Variants in ANKRD30BL observed in about 807,000 individuals in gnomAD.
The protein encoded by ANKRD30BL is putative ankyrin repeat domain-containing protein 30B-like.
In ANKRD30BL, 20 loss-of-function variants were observed where a neutral mutation model predicts 18.4. The observed-to-expected ratio is 1.09, with a 90% CI of 0.77 to 1.58. ANKRD30BL has a LOEUF of 1.58. ANKRD30BL is among the 40% of genes most tolerant of loss of function. The pLI is 0.00. For missense variants in ANKRD30BL, 224 were observed against 268.6 expected (o/e 0.83, Z 1.16); for synonymous variants, 72 against 100.9 (o/e 0.71, Z 1.72).
At chr2:132,218,527 G>A (rs1210449830) in intron 1 of ANKRD30BL, among the ~76,000 whole-genome samples, 1 of 152,258 alleles carries the variant, frequency 6.6e-6, no homozygotes. Context: ...AACTCACAGA[G>A]TTGATAATTT....
intron 1 of ANKRD30BL, among the ~76,000 whole-genome samples, chr2:132,203,108 C>A (rs1482078848): frequency 6.6e-6 from 1 of 152,282 alleles, no homozygotes; most frequent in Non-Finnish European, 1.5e-5. Context: ...AAACCACCCA[C>A]CCCTGCTGAA....
At chr2:132,201,365 A>G (rs1431578137) in intron 1 of ANKRD30BL, among the ~76,000 whole-genome samples, 1 of 152,120 alleles carries the variant, frequency 6.6e-6, no homozygotes, top group Non-Finnish European at 1.5e-5. Flanking sequence ...GGCAACCTAC[A>G]AAATGGGAGA....
chr2:132,188,441 G>A (rs1320598477), intron 1 of ANKRD30BL, among the ~76,000 whole-genome samples: 2 of 152,342 alleles, frequency 1.3e-5, no homozygotes, highest in East Asian at 3.9e-4. Flanking sequence ...AGCGGGCAGG[G>A]CGCGGTGGCT....
At chr2:132,157,956 AT>A (rs1687956233) in intron 1 of ANKRD30BL, among the ~76,000 whole-genome samples, 1 of 152,330 alleles carries the variant, frequency 6.6e-6, no homozygotes, top group Admixed American at 6.5e-5. Context: ...TATTTTAATA[AT>A]TCTGAAATAC....
chr2:132,253,827 C>G (rs545105306), intron 1 of ANKRD30BL, among the ~76,000 whole-genome samples: 2 of 152,086 alleles, frequency 1.3e-5, no homozygotes, highest in Admixed American at 6.5e-5. Flanking sequence ...CGGCATCCGG[C>G]CCCCTACCCT....
intron 1 of ANKRD30BL, among the ~76,000 whole-genome samples, chr2:132,247,509 A>C (rs1449603099): frequency 1.3e-5 from 2 of 151,820 alleles, no homozygotes; most frequent in Non-Finnish European, 3.0e-5. Context: ...CTCAATGAAA[A>C]GAAAGGTTCA....
intron 1 of ANKRD30BL, among the ~76,000 whole-genome samples, chr2:132,225,569 T>C (rs1298608431): frequency 6.6e-6 from 1 of 152,034 alleles, no homozygotes; most frequent in Admixed American, 6.6e-5. Context: ...GTTGAAACTT[T>C]CTTTTGATAG....
At chr2:132,150,741 A>C (rs1573795602) in intron 5 of ANKRD30BL, among the ~76,000 whole-genome samples, 171 bp downstream of exon 5, 1 of 152,130 alleles carries the variant, frequency 6.6e-6, no homozygotes, top group East Asian at 1.9e-4. Context: ...ATGAATTCTG[A>C]ATTATAAACT....
At chr2:132,183,781 T>G (rs62161688) in intron 1 of ANKRD30BL, among the ~76,000 whole-genome samples, 3 of 152,060 alleles carry the variant, frequency 2.0e-5, no homozygotes, top group Non-Finnish European at 4.4e-5. Context: ...ATGCATATAT[T>G]TGTATATATA....
chr2:132,210,508 G>A (rs13397190), intron 1 of ANKRD30BL, among the ~76,000 whole-genome samples: 12,830 of 151,798 alleles, frequency 0.085, 800 homozygotes, highest in African/African-American at 0.17. Context: ...TATTTGGAGC[G>A]CCTTAAGGTC....
intron 1 of ANKRD30BL, among the ~76,000 whole-genome samples, chr2:132,231,862 C>G (rs1446219429): frequency 1.3e-5 from 2 of 152,244 alleles, no homozygotes; most frequent in African/African-American, 4.8e-5. Flanking sequence ...CTGCCTGCCT[C>G]TGTAGGCTCC....
chr2:132,185,929 T>A (rs2104951329), intron 1 of ANKRD30BL, among the ~76,000 whole-genome samples: 1 of 152,120 alleles, frequency 6.6e-6, no homozygotes, highest in Admixed American at 6.6e-5. Flanking sequence ...TCACTTGAGG[T>A]CAGAAGTTCA....
At chr2:132,210,284 T>C (rs1374155878) in intron 1 of ANKRD30BL, among the ~76,000 whole-genome samples, 1 of 151,896 alleles carries the variant, frequency 6.6e-6, no homozygotes, top group Non-Finnish European at 1.5e-5. Flanking sequence ...TTCTTTTGAT[T>C]GAGCAGTTTT....
intron 1 of ANKRD30BL, among the ~76,000 whole-genome samples, chr2:132,247,043 G>C (rs1417525126): frequency 6.6e-6 from 1 of 151,760 alleles, no homozygotes; most frequent in Non-Finnish European, 1.5e-5. Context: ...TCATCTCACA[G>C]AGTTGAACAT....
At chr2:132,198,886 G>A (rs1679035318) in intron 1 of ANKRD30BL, among the ~76,000 whole-genome samples, 1 of 152,106 alleles carries the variant, frequency 6.6e-6, no homozygotes, top group South Asian at 2.1e-4. Context: ...CCAAAGTACT[G>A]GAATTACAGG....
At chr2:132,200,730 TAC>T (rs1472880334) in intron 1 of ANKRD30BL, among the ~76,000 whole-genome samples, 17 of 152,234 alleles carry the variant, frequency 1.1e-4, no homozygotes, top group African/African-American at 4.1e-4. Flanking sequence ...CAAGGTAATT[TAC>T]ACATTCAATG....
chr2:132,161,650 C>G lies in ANKRD30BL; in HGVS notation c.56G>C (p.Ser19Thr). The part of the protein sequence containing the change: ...VKGQTGPERP[S>T]PFSQLVYTNN... Reference sequence around the variant, plus strand: ...GGTGTAGACCAGCTGACTGAAGGGGCTCGGGCGCTCTGGGCCCGTCTGGCC... The same window carrying G: ...GGTGTAGACCAGCTGACTGAAGGGGGTCGGGCGCTCTGGGCCCGTCTGGCC... The change falls in exon 1 of 6, where the codon AGC (serine) becomes ACC (threonine). Residue 19 changes from serine to threonine, a missense_variant. Transcript: ENST00000409867. 6.9e-7 allele frequency: 1 copy of G among 1,452,800 alleles called. No individual in the cohort carries two copies. The highest frequency in any genetic ancestry group is 1.2e-5 in the South Asian group (1 of 81,976). 90.0% of individuals were successfully genotyped at this position (1,452,800 alleles called of 1,614,324 possible).
chr2:132,186,501 G>A (rs1688562604), intron 1 of ANKRD30BL, among the ~76,000 whole-genome samples: 1 of 152,146 alleles, frequency 6.6e-6, no homozygotes, highest in Admixed American at 6.5e-5. Flanking sequence ...TTTTGGTGAA[G>A]GAACTGTGTG....
intron 1 of ANKRD30BL, chr2:132,253,131 C>A: frequency 5.0e-6 from 1 of 198,392 alleles, no homozygotes; most frequent in South Asian, 6.4e-5. Flanking sequence ...CAGAGGCAAC[C>A]CTGGGGGATT....
Sources: allele counts gnomAD v4.1 joint callset (sites outside exome capture counted in the v4.1 genomes callset), GRCh38; gene constraint gnomAD v4.1.1; transcripts MANE v1.5; gene names NCBI Gene and HGNC (gene_info 2026-07-23, HGNC 2026-07-21).